The following KLF8 variants were observed in gnomAD, a reference collection of about 807,000 sequenced individuals.
KLF8 encodes KLF transcription factor 8.
Under a neutral mutation model 18.2 loss-of-function variants are expected in KLF8, and 10 were observed. The ratio of observed to expected loss-of-function variants is 0.55; its 90% CI spans 0.34 to 0.93. The LOEUF is 0.93. Ranked by LOEUF, KLF8 falls within the 40% of genes least tolerant of loss-of-function variation. The pLI, the probability that KLF8 is intolerant of heterozygous loss-of-function variation, is 0.02. For missense variants in KLF8, 264 were observed against 277.9 expected (o/e 0.95, Z 0.36); for synonymous variants, 109 against 97.3 (o/e 1.12, Z -0.71).
At chrX:56,067,458 G>A in the KLF8 span, among the ~76,000 whole-genome samples, 2 of 110,748 alleles carry the variant, frequency 1.8e-5, no homozygotes, top group Non-Finnish European at 3.8e-5. Context: ...TGGTAGACTA[G>A]AGGCAGCTCA....
chrX:55,933,049 T>C, the KLF8 span, among the ~76,000 whole-genome samples: 423 of 111,985 alleles, frequency 3.8e-3, no homozygotes, highest in African/African-American at 0.013. Flanking sequence ...GATACTCAAA[T>C]GGATGTTTTT....
the KLF8 span, among the ~76,000 whole-genome samples, chrX:56,208,309 G>A: frequency 9.0e-6 from 1 of 111,694 alleles, no homozygotes; most frequent in African/African-American, 3.3e-5. Flanking sequence ...TAGAATTTCT[G>A]CAGTATCAGT....
chrX:56,258,581 A>G, intron 2 of KLF8, among the ~76,000 whole-genome samples: 1 of 112,286 alleles, frequency 8.9e-6, no homozygotes, highest in South Asian at 3.7e-4. Context: ...GGCCAAAGCT[A>G]CCTTATTTTG....
rs1230503815 is a variant in KLF8, at chrX:56,233,017, G to A, written c.-318G>A. 6.1e-6 allele frequency: 2 copies of A among 328,951 alleles called. No homozygotes were observed. The highest frequency in any genetic ancestry group is 1.1e-5 in the Non-Finnish European group (2 of 185,777). 27.1% of individuals were successfully genotyped at this position (328,951 alleles called of 1,213,427 possible). A position where few individuals can be genotyped will look rare whatever the true frequency, so the allele number is the denominator to read the frequency against. On this transcript the variant is annotated 5_prime_UTR_variant, in exon 1 of 6. Transcript: ENST00000468660. ...GTCCAAGGAAAAGCTGCAGGGGGGAGGATTCTTTTTAGGAAGTCTACTCTG... is the reference window on the plus strand; with the variant it reads ...GTCCAAGGAAAAGCTGCAGGGGGGAAGATTCTTTTTAGGAAGTCTACTCTG...
chrX:56,014,942 G>T, the KLF8 span: 2 of 102,234 alleles, frequency 2.0e-5, no homozygotes, highest in East Asian at 3.1e-4. Context: ...GGAACTGAAT[G>T]ATGAGAACAT....
the KLF8 span, among the ~76,000 whole-genome samples, chrX:56,138,079 A>T: frequency 9.6e-6 from 1 of 104,182 alleles, no homozygotes; most frequent in East Asian, 3.0e-4. Context: ...CTCAGAGACT[A>T]TTATGAGCAC....
the KLF8 span, among the ~76,000 whole-genome samples, chrX:56,020,307 G>C: frequency 8.9e-6 from 1 of 111,828 alleles, no homozygotes; most frequent in Non-Finnish European, 1.9e-5. Flanking sequence ...AAAGATTTTG[G>C]TGTTTAGAAA....
the KLF8 span, among the ~76,000 whole-genome samples, chrX:56,155,559 C>A: frequency 9.0e-6 from 1 of 110,806 alleles, no homozygotes; most frequent in East Asian, 2.8e-4. Context: ...ACATATGTAA[C>A]AAACCTTCAC....
At chrX:56,225,786 C>A in the KLF8 span, among the ~76,000 whole-genome samples, 1 of 112,287 alleles carries the variant, frequency 8.9e-6, no homozygotes, top group African/African-American at 3.2e-5. Context: ...CTAGGTCACA[C>A]AGTTAGTAAG....
chrX:56,241,679 C>T (rs914673665), intron 1 of KLF8, among the ~76,000 whole-genome samples: 3 of 111,842 alleles, frequency 2.7e-5, no homozygotes, highest in Admixed American at 9.5e-5. Context: ...GTAGTTTACT[C>T]AAAATGACAC....
chrX:55,991,570 G>A, the KLF8 span, among the ~76,000 whole-genome samples: 1 of 111,485 alleles, frequency 9.0e-6, no homozygotes, highest in African/African-American at 3.3e-5. Flanking sequence ...TGGAAATGCA[G>A]AAATCACCCG....
At chrX:55,942,182 C>T in the KLF8 span, among the ~76,000 whole-genome samples, 4 of 111,517 alleles carry the variant, frequency 3.6e-5, no homozygotes, top group Admixed American at 3.8e-4. Context: ...GAATACTATG[C>T]AGCCATAAAG....
chrX:56,288,020 G>A lies in KLF8; in HGVS notation c.*3526G>A, dbSNP rs2067286493. 9.0e-6 allele frequency: 1 copy of A among 111,455 alleles called. No individual in the cohort carries two copies. The highest frequency in any genetic ancestry group is 3.3e-5 in the African/African-American group (1 of 30,620). 9.2% of individuals were successfully genotyped at this position (111,455 alleles called of 1,213,427 possible). ...TGGGAGGCCAAGACGGGCGGATCAC[G>A]AAGTCAGGAGTTCGAGACCAACCTG... is the stretch of plus-strand genomic sequence containing the variant. On this transcript the variant is annotated 3_prime_UTR_variant, in exon 6 of 6. Transcript: ENST00000468660.
the KLF8 span, among the ~76,000 whole-genome samples, chrX:56,055,445 T>C: frequency 8.9e-6 from 1 of 112,141 alleles, no homozygotes; most frequent in Non-Finnish European, 1.9e-5. Flanking sequence ...GTTTGTCTGA[T>C]TGGATTCCCT....
At chrX:55,996,914 T>C in the KLF8 span, among the ~76,000 whole-genome samples, 2 of 112,133 alleles carry the variant, frequency 1.8e-5, no homozygotes, top group African/African-American at 3.2e-5. Context: ...ACATGCGTGC[T>C]AGTGGGGCAG....
At chrX:56,047,824 C>G in the KLF8 span, among the ~76,000 whole-genome samples, 1 of 111,391 alleles carries the variant, frequency 9.0e-6, no homozygotes, top group Non-Finnish European at 1.9e-5. Flanking sequence ...AGTTCTAGAT[C>G]CCTGAGGAAT....
chrX:56,259,523 G>A (rs781744726), intron 2 of KLF8, among the ~76,000 whole-genome samples: 11 of 110,200 alleles, frequency 1.0e-4, no homozygotes, highest in African/African-American at 3.6e-4. Flanking sequence ...ACTTTTCTTA[G>A]GGTTCAAATT....
At chrX:56,042,076 C>A in the KLF8 span, among the ~76,000 whole-genome samples, 2 of 111,674 alleles carry the variant, frequency 1.8e-5, no homozygotes, top group African/African-American at 3.3e-5. Flanking sequence ...GGTTTGTTGT[C>A]CCTTTGTTCT....
At chrX:55,925,108 G>C in the KLF8 span, among the ~76,000 whole-genome samples, 1 of 101,200 alleles carries the variant, frequency 9.9e-6, no homozygotes, top group Non-Finnish European at 2.0e-5. Context: ...TGATCCGCCT[G>C]CTTCAGCCTC....
Sources: gnomAD v4.1 joint callset for allele counts (sites outside exome capture counted in the v4.1 genomes callset) on GRCh38, gnomAD v4.1.1 for gene constraint, MANE v1.5 for transcripts, NCBI Gene and HGNC (gene_info 2026-07-23, HGNC 2026-07-21) for gene names.